Variants in GALNT13 observed in about 807,000 individuals in gnomAD.
GALNT13 encodes polypeptide N-acetylgalactosaminyltransferase 13.
Under a neutral mutation model 64.2 loss-of-function variants are expected in GALNT13, and 28 were observed. The observed-to-expected ratio is 0.44, with a 90% CI of 0.32 to 0.60. The LOEUF (loss-of-function observed/expected upper bound fraction) is 0.60. Ranked by LOEUF, GALNT13 falls within the 20% of genes least tolerant of loss-of-function variation. The probability of loss-of-function intolerance (pLI) is 0.05; values close to 1 mark genes in which losing one functional copy is unlikely to be tolerated. For missense variants in GALNT13, 577 were observed against 669.8 expected, an observed-to-expected ratio of 0.86 and a Z score of 1.53; for synonymous variants, 214 against 224.6, an observed-to-expected ratio of 0.95 and a Z score of 0.42.
chr2:154,143,451 C>T (rs1408808304), intron 4 of GALNT13, among the ~76,000 whole-genome samples: 3 of 151,420 alleles, frequency 2.0e-5, no homozygotes, highest in Non-Finnish European at 2.9e-5. Flanking sequence ...TAAAAAATCT[C>T]GACTTTCAAC....
chr2:153,968,373 A>G lies in GALNT13; in HGVS notation c.142+23734A>G, dbSNP rs140774786. The stretch of plus-strand genomic sequence containing the variant: ...CTGTGACAGAATGGCCCTGGCTTCA[A>G]TGCAAAGTCCCACACTTCCTTTGCT... On this transcript the variant is annotated intron_variant, in intron 3 of 12. Transcript: ENST00000392825. Among the ~76,000 whole-genome samples the G allele has an allele frequency of 5.4e-3, 824 of 152,296 alleles. 5 individuals are homozygous for G. The highest frequency in any genetic ancestry group is 0.018 in the African/African-American group (757 of 41,542).
At chr2:153,706,569 A>G in the GALNT13 span, among the ~76,000 whole-genome samples, 1 of 152,204 alleles carries the variant, frequency 6.6e-6, no homozygotes, top group African/African-American at 2.4e-5. Context: ...AGTAAAGTAT[A>G]CGTGTGTGCA....
At chr2:153,513,892 C>T in the GALNT13 span, among the ~76,000 whole-genome samples, 1 of 152,178 alleles carries the variant, frequency 6.6e-6, no homozygotes, top group East Asian at 1.9e-4. Flanking sequence ...AACACACCAC[C>T]TGTACTTGCT....
the GALNT13 span, among the ~76,000 whole-genome samples, chr2:153,512,624 G>A: frequency 1.3e-5 from 2 of 152,080 alleles, no homozygotes; most frequent in Non-Finnish European, 2.9e-5. Flanking sequence ...GTCTCCTAGG[G>A]TTACTGTGCA....
the GALNT13 span, among the ~76,000 whole-genome samples, chr2:153,805,775 G>T: frequency 1.3e-5 from 2 of 152,014 alleles, no homozygotes; most frequent in African/African-American, 4.8e-5. Flanking sequence ...TAGTACTTAT[G>T]AGATTTACTA....
chr2:154,382,710 A>G (rs1198872945), intron 9 of GALNT13, among the ~76,000 whole-genome samples: 2 of 151,976 alleles, frequency 1.3e-5, no homozygotes, highest in African/African-American at 4.8e-5. Context: ...AGAAGGGGAA[A>G]ATTGGTTGAC....
At chr2:153,278,757 A>G in the GALNT13 span, among the ~76,000 whole-genome samples, 1 of 152,010 alleles carries the variant, frequency 6.6e-6, no homozygotes, top group Non-Finnish European at 1.5e-5. Flanking sequence ...TGTTTACTGC[A>G]GCTTCCGTCA....
intron 10 of GALNT13, among the ~76,000 whole-genome samples, chr2:154,397,881 A>G (rs1251240196): frequency 6.6e-6 from 1 of 152,196 alleles, no homozygotes; most frequent in East Asian, 1.9e-4. Flanking sequence ...TAGACTAGTC[A>G]CTTAGTCCCG....
chr2:153,257,298 G>T, the GALNT13 span, among the ~76,000 whole-genome samples: 1 of 152,042 alleles, frequency 6.6e-6, no homozygotes, highest in South Asian at 2.1e-4. Flanking sequence ...GCAATGCCTC[G>T]CCCTGCTTCG....
intron 11 of GALNT13, among the ~76,000 whole-genome samples, chr2:154,427,443 G>A (rs368404374): frequency 3.4e-4 from 51 of 152,156 alleles, no homozygotes; most frequent in African/African-American, 1.2e-3. Context: ...CTTTTGCTTG[G>A]CAAAGCGGAG....
chr2:154,056,149 G>GA (rs1403350606), intron 3 of GALNT13, among the ~76,000 whole-genome samples: 2 of 151,788 alleles, frequency 1.3e-5, no homozygotes, highest in African/African-American at 2.4e-5. Context: ...AGAAAAAAAG[G>GA]AAAAAACTCA....
intron 3 of GALNT13, among the ~76,000 whole-genome samples, chr2:154,094,090 A>G (rs1230178384): frequency 2.0e-5 from 3 of 151,878 alleles, no homozygotes; most frequent in South Asian, 2.1e-4. Flanking sequence ...TACCTTTAAA[A>G]CATGGTTTAT....
chr2:153,864,415 C>G, the GALNT13 span, among the ~76,000 whole-genome samples: 1 of 152,140 alleles, frequency 6.6e-6, no homozygotes, highest in Admixed American at 6.5e-5. Context: ...ATTTTATTCT[C>G]TTTGAAGCAA....
intron 3 of GALNT13, among the ~76,000 whole-genome samples, chr2:154,081,777 G>A (rs1269749787): frequency 6.6e-6 from 1 of 151,668 alleles, no homozygotes; most frequent in Non-Finnish European, 1.5e-5. Flanking sequence ...TCTTATTTAT[G>A]CTTTGATAAT....
At chr2:153,098,930 G>A in the GALNT13 span, among the ~76,000 whole-genome samples, 3 of 152,242 alleles carry the variant, frequency 2.0e-5, no homozygotes, top group South Asian at 2.1e-4. Context: ...AGAAGACTTG[G>A]AAAGCATCTC....
intron 9 of GALNT13, among the ~76,000 whole-genome samples, chr2:154,374,846 GACA>G (rs1697892335): frequency 6.6e-6 from 1 of 152,056 alleles, no homozygotes; most frequent in Admixed American, 6.6e-5. Flanking sequence ...CTTTCAAAAA[GACA>G]ACGAGCTAAA....
At chr2:153,662,951 C>A in the GALNT13 span, among the ~76,000 whole-genome samples, 1 of 152,158 alleles carries the variant, frequency 6.6e-6, no homozygotes, top group East Asian at 1.9e-4. Flanking sequence ...ACTTTCCAGG[C>A]AATCCACTCC....
At chr2:154,179,475 A>G (rs1330246036) in intron 4 of GALNT13, among the ~76,000 whole-genome samples, 1 of 152,130 alleles carries the variant, frequency 6.6e-6, no homozygotes, top group African/African-American at 2.4e-5. Context: ...TCTCATACTC[A>G]TTTTAAAATT....
the GALNT13 span, among the ~76,000 whole-genome samples, chr2:153,590,650 A>G: frequency 6.6e-6 from 1 of 152,188 alleles, no homozygotes; most frequent in African/African-American, 2.4e-5. Flanking sequence ...TTATACAGCA[A>G]TGCAAGGGTG....
Sources: gnomAD v4.1 joint callset for allele counts (sites outside exome capture counted in the v4.1 genomes callset) on GRCh38, gnomAD v4.1.1 for gene constraint, MANE v1.5 for transcripts, NCBI Gene and HGNC (gene_info 2026-07-23, HGNC 2026-07-21) for gene names.